The following USP29 variants were observed in gnomAD, a reference collection of about 807,000 sequenced individuals.
The protein encoded by USP29 is ubiquitin specific peptidase 29, also known as ubiquitin carboxyl-terminal hydrolase 29.
For synonymous variants in USP29, 386 were observed against 387.4 expected (o/e 1.00, Z 0.04); for missense variants, 1,102 against 1,069.0 (o/e 1.03, Z -0.43).
intron 3 of USP29, among the ~76,000 whole-genome samples, chr19:57,126,448 G>T (rs2086824941): frequency 6.6e-6 from 1 of 152,014 alleles, no homozygotes; most frequent in African/African-American, 2.4e-5. Context: ...TGGAGCCTTT[G>T]TTCATTCCTT....
rs935642671 is a variant in USP29 at position 57,131,825 on chromosome 19, C to G, written c.*381C>G. The G allele has an allele frequency of 6.7e-5, 14 of 209,076 alleles. No homozygotes were observed. Among genetic ancestry groups the G allele is most frequent in the Admixed American group, 1.6e-4 (3 of 18,568 alleles). The allele number at this position is 209,076 out of a possible 1,614,324, so 13.0% of individuals were successfully genotyped here. On this transcript the variant is annotated 3_prime_UTR_variant, in exon 4 of 4. Coordinates refer to ENST00000254181, the MANE Select transcript of USP29 (RefSeq NM_020903.3). ...CAGCAATCAGATGGAGATTCTAGTG[C>G]TCATGAAAGTTTGAAGAACACTGGT...
At chr19:57,121,252 T>C in intron 1 of USP29, among the ~76,000 whole-genome samples, 1 of 148,346 alleles carries the variant, frequency 6.7e-6, no homozygotes, top group East Asian at 1.9e-4. Context: ...AAATGTAGGA[T>C]ATATATGTTA....
In USP29 at chr19:57,131,467, A is replaced by G. The variant is rs781530617; in HGVS notation, c.*23A>G. 6.4e-7 allele frequency: 1 copy of G among 1,568,796 alleles called. No individual in the cohort carries two copies. The highest frequency in any genetic ancestry group is 8.6e-7 in the Non-Finnish European group (1 of 1,158,644). ...TGACAGACTCACTCGGCCTCACTTC[A>G]TCCTTGCAAAGAGAATCCTGTACTT... is the stretch of plus-strand genomic sequence containing the variant. On this transcript the variant is annotated 3_prime_UTR_variant, in exon 4 of 4. Coordinates refer to ENST00000254181, the MANE Select transcript of USP29 (RefSeq NM_020903.3).
rs2086858912 is a variant in USP29 at position 57,131,280 on chromosome 19, A to G, written c.2605A>G (p.Met869Val). The G allele has an allele frequency of 6.2e-7, 1 of 1,614,200 alleles. No homozygotes were observed. Among genetic ancestry groups the G allele is most frequent in the South Asian group, 1.1e-5 (1 of 91,084 alleles). ...LCVSEISETK[M>V]QEARLHSGYI... ...TGTATCAGAAATCTCAGAGACCAAAATGCAGGAGGCGAGGCTTCACTCTGG... is the reference window on the plus strand; with the variant it reads ...TGTATCAGAAATCTCAGAGACCAAAGTGCAGGAGGCGAGGCTTCACTCTGG... The change falls in exon 4 of 4, where the codon ATG (methionine) becomes GTG (valine). Residue 869 changes from methionine (M) to valine (V), a missense_variant. By Grantham distance (21) the Met-to-Val change is conservative. Coordinates refer to ENST00000254181, the MANE Select transcript of USP29 (RefSeq NM_020903.3).
At chr19:57,119,095 TCGCG>T (rs2086778986), upstream of USP29, 1 of 152,236 alleles carries the variant, frequency 6.6e-6, no homozygotes, top group Non-Finnish European at 1.5e-5. Context: ...CCTTGGCCCC[TCGCG>T]CGCCGGGACA....
At chr19:57,120,893 G>A (rs889937929) in intron 1 of USP29, among the ~76,000 whole-genome samples, 4 of 150,378 alleles carry the variant, frequency 2.7e-5, no homozygotes, top group African/African-American at 9.8e-5. Context: ...TCAGGAGTTC[G>A]AGACTGCCTG....
upstream of USP29, among the ~76,000 whole-genome samples, chr19:57,119,879 A>G (rs2086784351): frequency 6.6e-6 from 1 of 152,088 alleles, no homozygotes; most frequent in Non-Finnish European, 1.5e-5. Context: ...CACCAGCTCT[A>G]GGCCAGGAAC....
Position 57,130,228 on chromosome 19 carries a change from A to G in USP29, c.1553A>G (p.Asn518Ser), listed in dbSNP as rs1245633103. ...IIHLKRYSFN[N>S]AWLLVKNNEQ... ...CATCTGAAACGCTATAGCTTCAACAATGCTTGGTTGCTGGTGAAGAATAAC... is the reference window on the plus strand; with the variant it reads ...CATCTGAAACGCTATAGCTTCAACAGTGCTTGGTTGCTGGTGAAGAATAAC... Residue 518 changes from asparagine (N) to serine (S), a missense_variant, in exon 4 of 4, where the codon AAT becomes AGT. Coordinates refer to ENST00000254181, the MANE Select transcript of USP29 (RefSeq NM_020903.3). 4 of 1,614,028 alleles carry G rather than the reference A, an allele frequency of 2.5e-6. No homozygotes were observed. The highest frequency in any genetic ancestry group is 3.4e-6 in the Non-Finnish European group (4 of 1,180,036).
chr19:57,129,241 C>A lies in USP29; in HGVS notation c.566C>A (p.Pro189His). The A allele has an allele frequency of 6.2e-7, 1 of 1,612,956 alleles. No homozygotes were observed. Among genetic ancestry groups the A allele is most frequent in the Non-Finnish European group, 8.5e-7 (1 of 1,179,744 alleles). Residue 189 changes from proline (P) to histidine (H), a missense_variant, in exon 4 of 4, where the codon CCT (proline) becomes CAT (histidine). By Grantham distance (77) the Pro-to-His change is moderately conservative. Coordinates refer to ENST00000254181, the MANE Select transcript of USP29 (RefSeq NM_020903.3). ...TNEDILKEDNPVPNKKYKTDS... is the reference protein window; with the variant it reads ...TNEDILKEDNHVPNKKYKTDS... ...GAGGACATTCTGAAGGAAGATAACC[C>A]TGTACCAAACAAGAAATATAAGACA... is the stretch of plus-strand genomic sequence containing the variant.
intron 2 of USP29, among the ~76,000 whole-genome samples, chr19:57,122,872 G>A (rs1373432092): frequency 6.6e-6 from 1 of 152,116 alleles, no homozygotes; most frequent in East Asian, 1.9e-4. Flanking sequence ...TTAAGGTCCA[G>A]TGAGGGTGAA....
In USP29 at chr19:57,122,159, ACTAT is replaced by A. The variant is rs1357065962; in HGVS notation, c.-267-162_-267-159del. ...CAATTGAAATAAAGTAAAATAAGTC[ACTAT>A]CTAGCCTTTTCTAGACAAATATTTT... On this transcript the variant is annotated intron_variant, in intron 1 of 3. Coordinates refer to ENST00000254181, the MANE Select transcript of USP29 (RefSeq NM_020903.3). 7.1e-4 allele frequency among the ~76,000 whole-genome samples: 108 copies of A among 152,338 alleles called. 1 individual carries two copies. The highest frequency in any genetic ancestry group is 2.3e-3 in the African/African-American group (95 of 41,584).
At chr19:57,126,670 C>T (rs1338499942) in intron 3 of USP29, among the ~76,000 whole-genome samples, 1 of 152,000 alleles carries the variant, frequency 6.6e-6, no homozygotes, top group African/African-American at 2.4e-5. Flanking sequence ...AGCCTTTTAT[C>T]AAGGTTCTTA....
rs1015583402 is a variant in USP29, at chr19:57,122,455, C to A, written c.-137C>A. On this transcript the variant is annotated 5_prime_UTR_variant, in exon 2 of 4. Coordinates refer to ENST00000254181, the MANE Select transcript of USP29 (RefSeq NM_020903.3). ...GAAAAAAGAATTATCATCCACTCACCCAGAACAGCTCTCCAAACTGTAAGT... is the reference window on the plus strand; with the variant it reads ...GAAAAAAGAATTATCATCCACTCACACAGAACAGCTCTCCAAACTGTAAGT... The A allele has an allele frequency of 2.6e-5, 4 of 151,352 alleles. No homozygotes were observed. The highest frequency in any genetic ancestry group is 7.3e-5 in the African/African-American group (3 of 41,100). 9.4% of individuals were successfully genotyped at this position (151,352 alleles called of 1,614,324 possible).
rs796165921 is a variant in USP29 at position 57,127,698 on chromosome 19, T to C, written c.-16-962T>C. ...GCAGTGAGAATTTCAAGCCAGTGGT[T>C]CTTAGCTTGCTGGGCTCCATGGGAG... On this transcript the variant is annotated intron_variant, in intron 3 of 3. Transcript: ENST00000254181. 2.0e-5 allele frequency among the ~76,000 whole-genome samples: 3 copies of C among 152,162 alleles called. No individual in the cohort carries two copies. The East Asian group carries it at 5.8e-4, about 29-fold the overall frequency.
Position 57,130,463 on chromosome 19 carries a change from A to C in USP29, c.1788A>C (p.Glu596Asp). The change falls in exon 4 of 4, where the codon GAA becomes GAC. Residue 596 changes from glutamate (E) to aspartate (D), a missense_variant. Glu to Asp is a conservative substitution (Grantham distance 45). Transcript: ENST00000254181. ...ESSDSLVLPV[E>D]PDKNADLQRF... is the part of the protein sequence containing the mutation. ...GTGATTCCCTGGTTCTACCCGTTGA[A>C]CCAGACAAGAATGCCGACCTACAAA... The C allele has an allele frequency of 6.2e-7, 1 of 1,614,006 alleles. No homozygotes were observed. The highest frequency in any genetic ancestry group is 8.5e-7 in the Non-Finnish European group (1 of 1,180,024).
Position 57,131,542 on chromosome 19 carries a change from A to G in USP29, c.*98A>G. 6.7e-7 allele frequency: 1 copy of G among 1,483,082 alleles called. No individual in the cohort carries two copies. The highest frequency in any genetic ancestry group is 9.0e-7 in the Non-Finnish European group (1 of 1,114,236). The allele number at this position is 1,483,082 out of a possible 1,614,324, so 91.9% of individuals were successfully genotyped here. Reference sequence around the variant, plus strand: ...CTTCACTCAGAATGAAGGAACAAGTATCTCAGGATGAAATCTCAATGAAAA... The same window carrying G: ...CTTCACTCAGAATGAAGGAACAAGTGTCTCAGGATGAAATCTCAATGAAAA... On this transcript the variant is annotated 3_prime_UTR_variant, in exon 4 of 4. Coordinates refer to ENST00000254181, the MANE Select transcript of USP29 (RefSeq NM_020903.3).
Position 57,130,747 on chromosome 19 carries a change from T to C in USP29, c.2072T>C (p.Leu691Pro). Residue 691 changes from leucine to proline, a missense_variant, in exon 4 of 4, where the codon CTT (leucine) becomes CCT (proline). Transcript: ENST00000254181. ...HLQEVPQHPE[L>P]QKYEKTNTFV... Reference sequence around the variant, plus strand: ...CAAGAGGTGCCTCAACATCCAGAACTTCAGAAGTATGAGAAAACCAATACA... The same window carrying C: ...CAAGAGGTGCCTCAACATCCAGAACCTCAGAAGTATGAGAAAACCAATACA... 6.2e-7 allele frequency: 1 copy of C among 1,614,132 alleles called. No individual in the cohort carries two copies. Among genetic ancestry groups the C allele is most frequent in the Non-Finnish European group, 8.5e-7 (1 of 1,180,022 alleles).
chr19:57,123,551 C>T (rs1407242172), intron 2 of USP29, among the ~76,000 whole-genome samples: 1 of 152,018 alleles, frequency 6.6e-6, no homozygotes, highest in African/African-American at 2.4e-5. Context: ...AAGCAGTAAG[C>T]GGTGAAGCCG....
chr19:57,124,496 T>TG (rs1568454739), intron 3 of USP29, among the ~76,000 whole-genome samples: 33 of 151,172 alleles, frequency 2.2e-4, no homozygotes, highest in African/African-American at 5.1e-4. Flanking sequence ...TTTTTGTTTT[T>TG]TTTTTGTTTT....
Sources: allele counts gnomAD v4.1 joint callset (sites outside exome capture counted in the v4.1 genomes callset), GRCh38; gene constraint gnomAD v4.1.1; transcripts MANE v1.5; gene names NCBI Gene and HGNC (gene_info 2026-07-23, HGNC 2026-07-21).